Variants in LMX1A observed in about 807,000 individuals in gnomAD.
LMX1A encodes LIM homeobox transcription factor 1-alpha.
In LMX1A, 15 loss-of-function variants were observed where a neutral mutation model predicts 49.1. The observed-to-expected ratio is 0.31, with a 90% CI of 0.20 to 0.47. LMX1A has a LOEUF of 0.47. Ranked by LOEUF, LMX1A falls within the 20% of genes least tolerant of loss-of-function variation. LMX1A has a pLI of 1.00. For synonymous variants in LMX1A, 167 were observed against 185.7 expected, an observed-to-expected ratio of 0.90 and a Z score of 0.82; for missense variants, 372 against 475.8, an observed-to-expected ratio of 0.78 and a Z score of 2.03.
rs567861739 is a variant in LMX1A, at chr1:165,308,662, T to G, written c.263+44414A>C. Among the ~76,000 whole-genome samples the G allele has an allele frequency of 2.6e-5, 4 of 152,356 alleles. No homozygotes were observed. The East Asian group carries it at 7.7e-4, about 29-fold the overall frequency. On this transcript the variant is annotated intron_variant, in intron 3 of 8. Transcript: ENST00000342310. ...TTTACAGGCAAGAAAATTGAGGCTCTGAAAGATTAAGTGACTTGATTGGTC... is the reference window on the plus strand; with the variant it reads ...TTTACAGGCAAGAAAATTGAGGCTCGGAAAGATTAAGTGACTTGATTGGTC...
intron 3 of LMX1A, 119 bp downstream of exon 3, chr1:165,352,957 C>T: frequency 9.3e-7 from 1 of 1,070,088 alleles, no homozygotes; most frequent in East Asian, 2.4e-5. Context: ...AAGGGAAGTT[C>T]TGCTCGCTGG....
At chr1:165,288,675 T>C (rs1440477004) in intron 3 of LMX1A, among the ~76,000 whole-genome samples, 1 of 152,230 alleles carries the variant, frequency 6.6e-6, no homozygotes, top group East Asian at 1.9e-4. Context: ...CAAACATCTG[T>C]ATGAGGTACA....
At chr1:165,336,498 G>T (rs1363392579) in intron 3 of LMX1A, among the ~76,000 whole-genome samples, 1 of 152,090 alleles carries the variant, frequency 6.6e-6, no homozygotes, top group African/African-American at 2.4e-5. Context: ...GGCCTCTGAA[G>T]AAGTTTTTAA....
intron 3 of LMX1A, among the ~76,000 whole-genome samples, chr1:165,317,200 G>A (rs913609408): frequency 6.6e-6 from 1 of 152,140 alleles, no homozygotes; most frequent in Non-Finnish European, 1.5e-5. Context: ...GAGTAGAGAG[G>A]TGAAACCCCA....
rs956882853 is a variant in LMX1A at position 165,217,074 on chromosome 1, T to TG, written c.497-3262dup. 1.1e-4 allele frequency among the ~76,000 whole-genome samples: 17 copies of TG among 152,176 alleles called. 1 individual carries two copies. The highest frequency in any genetic ancestry group is 3.9e-4 in the East Asian group (2 of 5,176). ...TGTGTTGTCAGTTAATTACAGTCAG[T>TG]GGGGGGGTCTCAGTTAAGGTTTTAC... On this transcript the variant is annotated intron_variant, in intron 4 of 8. Transcript: ENST00000342310.
At chr1:165,252,102 T>A (rs886653741) in intron 3 of LMX1A, among the ~76,000 whole-genome samples, 1 of 152,234 alleles carries the variant, frequency 6.6e-6, no homozygotes, top group African/African-American at 2.4e-5. Flanking sequence ...TGCCTTATTA[T>A]TTTACTTTTC....
intron 4 of LMX1A, among the ~76,000 whole-genome samples, chr1:165,243,974 T>C (rs1404493855): frequency 4.6e-5 from 7 of 152,186 alleles, no homozygotes; most frequent in Non-Finnish European, 7.3e-5. Context: ...GATTGGAAGG[T>C]TGGGACTTTC....
At chr1:165,212,332 C>T (rs1307617464) in intron 5 of LMX1A, among the ~76,000 whole-genome samples, 1 of 152,156 alleles carries the variant, frequency 6.6e-6, no homozygotes, top group Non-Finnish European at 1.5e-5. Context: ...TTTGACTTGG[C>T]CTCTTGCTTC....
intron 3 of LMX1A, among the ~76,000 whole-genome samples, chr1:165,350,240 T>C (rs1401482299): frequency 6.6e-6 from 1 of 150,994 alleles, no homozygotes; most frequent in Non-Finnish European, 1.5e-5. Flanking sequence ...GAGGAAAATG[T>C]CCTTTGTAAT....
At chr1:165,249,290 C>T in intron 4 of LMX1A, 118 bp downstream of exon 4, 1 of 672,000 alleles carries the variant, frequency 1.5e-6, no homozygotes, top group Non-Finnish European at 2.7e-6. Context: ...ACAGAACTGC[C>T]TTGCCATGGA....
At chr1:165,346,023 G>A (rs778448632) in intron 3 of LMX1A, among the ~76,000 whole-genome samples, 2 of 152,236 alleles carry the variant, frequency 1.3e-5, no homozygotes, top group Non-Finnish European at 2.9e-5. Flanking sequence ...GGGTATAGGG[G>A]AGGGAGAAGG....
chr1:165,249,769 T>G, intron 3 of LMX1A, 129 bp from the exon 4 acceptor site: 1 of 672,584 alleles, frequency 1.5e-6, no homozygotes, highest in Non-Finnish European at 2.6e-6. Context: ...GAATGTACTT[T>G]AAATCCAGGT....
chr1:165,203,264 G>A lies in LMX1A; in HGVS notation c.*616C>T, dbSNP rs1296626402. 1 of 152,652 alleles carries A rather than the reference G, an allele frequency of 6.6e-6. No homozygotes were observed. The highest frequency in any genetic ancestry group is 1.5e-5 in the Non-Finnish European group (1 of 68,062). The allele number at this position is 152,652 out of a possible 1,614,324, so 9.5% of individuals were successfully genotyped here. A position where few individuals can be genotyped will look rare whatever the true frequency, so the allele number is the denominator to read the frequency against. On this transcript the variant is annotated 3_prime_UTR_variant, in exon 9 of 9. Transcript: ENST00000342310. ...CCCAGCACTCAAAGCTATGGGGCTA[G>A]GTGGAGCAGCCCTCTCTGCCCTGCT... is the stretch of plus-strand genomic sequence containing the variant.
At chr1:165,218,051 A>G (rs577516356) in intron 4 of LMX1A, among the ~76,000 whole-genome samples, 8 of 152,220 alleles carry the variant, frequency 5.3e-5, no homozygotes, top group Non-Finnish European at 1.2e-4. Context: ...ACAACCACAG[A>G]CAATATGAAT....
At chr1:165,279,193 G>C (rs1654064716) in intron 3 of LMX1A, among the ~76,000 whole-genome samples, 1 of 152,200 alleles carries the variant, frequency 6.6e-6, no homozygotes, top group African/African-American at 2.4e-5. Context: ...TCCAATGAAG[G>C]CTGAAGTCTG....
intron 3 of LMX1A, among the ~76,000 whole-genome samples, chr1:165,299,826 GC>G (rs1453702010): frequency 3.4e-5 from 5 of 148,578 alleles, no homozygotes; most frequent in African/African-American, 1.2e-4. Flanking sequence ...TGTACTATTA[GC>G]AACCTGCAAG....
At chr1:165,240,045 A>G (rs943906011) in intron 4 of LMX1A, among the ~76,000 whole-genome samples, 29 of 152,256 alleles carry the variant, frequency 1.9e-4, no homozygotes, top group Admixed American at 1.8e-3. Context: ...TTATGAAATT[A>G]CTACAGTGGG....
intron 3 of LMX1A, among the ~76,000 whole-genome samples, chr1:165,337,529 T>G (rs1229246020): frequency 6.6e-6 from 1 of 152,206 alleles, no homozygotes; most frequent in Admixed American, 6.5e-5. Context: ...AAGGCCGTCA[T>G]GAGGTGCATT....
In LMX1A at chr1:165,206,073, C is replaced by A. The variant is rs748427232; in HGVS notation, c.818-39G>T. The A allele has an allele frequency of 4.0e-6, 6 of 1,495,050 alleles. No homozygotes were observed. In the South Asian group the frequency reaches 6.8e-5, roughly 17 times the overall value. The allele number at this position is 1,495,050 out of a possible 1,614,324, so 92.6% of individuals were successfully genotyped here. A position where few individuals can be genotyped will look rare whatever the true frequency, so the allele number is the denominator to read the frequency against. Reference sequence around the variant, plus strand: ...AAGAAGCCAGGTCATTCTCAACGTGCAGCCTGGCATGTGATTTCCCTGGGT... The same window carrying A: ...AAGAAGCCAGGTCATTCTCAACGTGAAGCCTGGCATGTGATTTCCCTGGGT... On this transcript the variant is annotated intron_variant, in intron 7 of 8. Transcript: ENST00000342310.
Sources: gnomAD v4.1 joint callset for allele counts (sites outside exome capture counted in the v4.1 genomes callset) on GRCh38, gnomAD v4.1.1 for gene constraint, MANE v1.5 for transcripts, NCBI Gene and HGNC (gene_info 2026-07-23, HGNC 2026-07-21) for gene names.